The following COMMD1 variants were observed in gnomAD, a reference collection of about 807,000 sequenced individuals.
The protein encoded by COMMD1 is COMM domain-containing protein 1.
Under a neutral mutation model 17.2 loss-of-function variants are expected in COMMD1, and 10 were observed. The ratio of observed to expected loss-of-function variants is 0.58; its 90% CI spans 0.36 to 0.99. The LOEUF (loss-of-function observed/expected upper bound fraction) is 0.99, where lower values mean the gene tolerates loss of function less well. Among genes scored for constraint, COMMD1 ranks in the 50% least tolerant of loss-of-function variants. The probability of loss-of-function intolerance (pLI) is 0.01; values close to 1 mark genes in which losing one functional copy is unlikely to be tolerated. For synonymous variants in COMMD1, 97 were observed against 91.6 expected (o/e 1.06, Z -0.34); for missense variants, 270 against 231.8 (o/e 1.17, Z -1.07).
intron 1 of COMMD1, among the ~76,000 whole-genome samples, chr2:61,917,382 T>C (rs1670077519): frequency 6.6e-6 from 1 of 151,628 alleles, no homozygotes. Context: ...GTGCATTTGG[T>C]ATCAAGTTTA....
intron 1 of COMMD1, among the ~76,000 whole-genome samples, chr2:61,974,997 T>C (rs1207918658): frequency 6.6e-6 from 1 of 152,164 alleles, no homozygotes; most frequent in Admixed American, 6.5e-5. Flanking sequence ...TTTACCTTTT[T>C]TAGATTGTCA....
chr2:62,025,883 G>A (rs1669740696), intron 2 of COMMD1, among the ~76,000 whole-genome samples: 1 of 151,984 alleles, frequency 6.6e-6, no homozygotes. Context: ...TGATAGAGGT[G>A]GGGTTTCGCC....
intron 1 of COMMD1, among the ~76,000 whole-genome samples, chr2:61,938,897 T>C (rs1670666973): frequency 6.6e-6 from 1 of 152,140 alleles, no homozygotes. Flanking sequence ...CCTCTTCCAT[T>C]AGGGCACCAA....
At chr2:62,048,269 G>A (rs936934531) in intron 2 of COMMD1, among the ~76,000 whole-genome samples, 20 of 144,396 alleles carry the variant, frequency 1.4e-4, no homozygotes, top group African/African-American at 4.7e-4. Context: ...TGCAACCTCC[G>A]CCTCCTGGGT....
intron 1 of COMMD1, among the ~76,000 whole-genome samples, chr2:61,895,514 C>T (rs568798074): frequency 1.7e-4 from 26 of 152,282 alleles, no homozygotes; most frequent in Non-Finnish European, 2.9e-4. Context: ...CTACTTGTGT[C>T]TCAGGTGGCA....
At chr2:62,024,571 C>A (rs577369439) in intron 2 of COMMD1, among the ~76,000 whole-genome samples, 1 of 152,040 alleles carries the variant, frequency 6.6e-6, no homozygotes, top group Non-Finnish European at 1.5e-5. Context: ...CTCCAAATAT[C>A]TTTTTTGGGG....
intron 2 of COMMD1, among the ~76,000 whole-genome samples, chr2:62,096,973 T>C (rs897507178): frequency 1.3e-5 from 2 of 152,162 alleles, no homozygotes; most frequent in Non-Finnish European, 2.9e-5. Flanking sequence ...AGCCCTGGGG[T>C]AAGACTGTCC....
At chr2:62,049,491 T>A (rs919030989) in intron 2 of COMMD1, among the ~76,000 whole-genome samples, 1 of 152,094 alleles carries the variant, frequency 6.6e-6, no homozygotes, top group Non-Finnish European at 1.5e-5. Flanking sequence ...TACTGATATC[T>A]AGTGGATAGA....
chr2:61,948,344 C>T (rs1169157036), intron 1 of COMMD1, among the ~76,000 whole-genome samples: 2 of 152,150 alleles, frequency 1.3e-5, no homozygotes, highest in South Asian at 2.1e-4. Flanking sequence ...AAAACACATA[C>T]ATTTAAAAAA....
At chr2:62,016,030 C>T (rs553357452) in intron 2 of COMMD1, among the ~76,000 whole-genome samples, 39 of 152,098 alleles carry the variant, frequency 2.6e-4, no homozygotes, top group Non-Finnish European at 5.3e-4. Context: ...CAGGGTTTCA[C>T]CACTTTTGGC....
chr2:62,056,348 C>T (rs2103928944), intron 2 of COMMD1, among the ~76,000 whole-genome samples: 1 of 152,306 alleles, frequency 6.6e-6, no homozygotes. Context: ...AGTGAAGTGG[C>T]TTTCTAAAGG....
chr2:62,068,333 G>A (rs531277885), intron 2 of COMMD1, among the ~76,000 whole-genome samples: 27 of 152,310 alleles, frequency 1.8e-4, no homozygotes, highest in African/African-American at 6.0e-4. Flanking sequence ...TTTTCTCCCA[G>A]TGTCTGGCTT....
chr2:61,931,727 T>C (rs1670471300), intron 1 of COMMD1, among the ~76,000 whole-genome samples: 1 of 152,262 alleles, frequency 6.6e-6, no homozygotes, highest in Non-Finnish European at 1.5e-5. Context: ...TACTGTGGGC[T>C]CACTGCTACT....
chr2:62,072,734 G>A (rs897963742), intron 2 of COMMD1, among the ~76,000 whole-genome samples: 15 of 152,184 alleles, frequency 9.9e-5, no homozygotes, highest in Admixed American at 3.9e-4. Flanking sequence ...GGGCACCACC[G>A]CATTCCCCAC....
intron 1 of COMMD1, among the ~76,000 whole-genome samples, chr2:61,893,017 G>A (rs915218067): frequency 2.6e-5 from 4 of 151,776 alleles, no homozygotes; most frequent in Non-Finnish European, 4.4e-5. Context: ...ATAGGCATGC[G>A]CCACCGTGGT....
At chr2:62,123,053 A>T (rs918355013) in intron 2 of COMMD1, among the ~76,000 whole-genome samples, 1 of 152,150 alleles carries the variant, frequency 6.6e-6, no homozygotes, top group African/African-American at 2.4e-5. Flanking sequence ...AGCCTTGGTA[A>T]CTGAGTGATT....
intron 2 of COMMD1, among the ~76,000 whole-genome samples, chr2:62,026,395 A>T (rs1182724315): frequency 6.6e-6 from 1 of 152,112 alleles, no homozygotes; most frequent in Non-Finnish European, 1.5e-5. Flanking sequence ...GTGGTGCCAC[A>T]CACTTTTAAA....
In COMMD1 at chr2:62,000,911, C is replaced by T. The variant is rs1241999143; in HGVS notation, c.391C>T (p.Gln131Ter). The change falls in exon 2 of 3, where the codon CAG becomes TAG. Residue 131 changes from glutamine (Q) to a stop codon, truncating the protein, a stop_gained. Transcript: ENST00000311832. LOFTEE classifies it high-confidence loss of function. ...GAGCTGGAGAGTTGATGGCAAGTCT[C>T]AGTCAAGGCACTCAGCTCAAATACA... Reference protein sequence around the residue: ...GLSWRVDGKSQSRHSAQIHTP... With the variant: ...GLSWRVDGKS 8.1e-6 allele frequency: 13 copies of T among 1,614,006 alleles called. No individual in the cohort carries two copies. The highest frequency in any genetic ancestry group is 1.1e-5 in the Non-Finnish European group (13 of 1,180,022).
chr2:61,959,160 G>A (rs1464407851), intron 1 of COMMD1, among the ~76,000 whole-genome samples: 1 of 152,034 alleles, frequency 6.6e-6, no homozygotes, highest in African/African-American at 2.4e-5. Context: ...TTCACCATGT[G>A]CTTATTATTT....
Sources: allele counts gnomAD v4.1 joint callset (sites outside exome capture counted in the v4.1 genomes callset), GRCh38; gene constraint gnomAD v4.1.1; transcripts MANE v1.5; gene names NCBI Gene and HGNC (gene_info 2026-07-23, HGNC 2026-07-21).